The following PEX7 variants were observed in gnomAD, a reference collection of about 807,000 sequenced individuals.
PEX7 encodes the protein peroxisomal biogenesis factor 7.
Under a neutral mutation model 47.5 loss-of-function variants are expected in PEX7, and 34 were observed. The ratio of observed to expected loss-of-function variants is 0.72; its 90% CI spans 0.54 to 0.95. PEX7 has a LOEUF of 0.95. Ranked by LOEUF, PEX7 falls within the 40% of genes least tolerant of loss-of-function variation. The pLI is 0.00. For synonymous variants in PEX7, 141 were observed against 148.8 expected (o/e 0.95, Z 0.38); for missense variants, 394 against 400.3 (o/e 0.98, Z 0.13).
intron 1 of PEX7, 141 bp from the exon 2 acceptor site, chr6:136,825,073 C>G: frequency 1.4e-6 from 1 of 713,204 alleles, no homozygotes; most frequent in Non-Finnish European, 2.5e-6. Flanking sequence ...GATCACCTGA[C>G]CATTTGGTAT....
At chr6:136,862,589 T>C (rs1774987208) in intron 5 of PEX7, among the ~76,000 whole-genome samples, 1 of 152,182 alleles carries the variant, frequency 6.6e-6, no homozygotes. Flanking sequence ...TTGCTCAGGC[T>C]GATCTCGAAC....
chr6:136,905,074 A>G (rs1205240613), intron 9 of PEX7, among the ~76,000 whole-genome samples: 1 of 152,056 alleles, frequency 6.6e-6, no homozygotes, highest in Non-Finnish European at 1.5e-5. Context: ...TCTCCACTGT[A>G]TCTTTCCTCA....
intron 9 of PEX7, among the ~76,000 whole-genome samples, chr6:136,908,902 C>T (rs774750859): frequency 9.9e-5 from 15 of 152,228 alleles, no homozygotes; most frequent in Non-Finnish European, 1.5e-4. Flanking sequence ...TGCTGTCTAG[C>T]GGGTTCCTCC....
intron 3 of PEX7, among the ~76,000 whole-genome samples, chr6:136,837,863 C>G (rs1443089667): frequency 6.6e-6 from 1 of 151,684 alleles, no homozygotes; most frequent in African/African-American, 2.4e-5. Flanking sequence ...TATTTTCAGT[C>G]CTTACGTGGA....
intron 9 of PEX7, among the ~76,000 whole-genome samples, chr6:136,911,441 T>C (rs1775930949): frequency 2.0e-5 from 3 of 152,196 alleles, no homozygotes; most frequent in African/African-American, 7.2e-5. Flanking sequence ...AGTCTCACTC[T>C]GTTGCCTAGG....
intron 5 of PEX7, among the ~76,000 whole-genome samples, chr6:136,855,055 C>T (rs1774834082): frequency 6.6e-6 from 1 of 151,588 alleles, no homozygotes; most frequent in South Asian, 2.1e-4. Context: ...GCCACCGTAC[C>T]CCAGCCTGGG....
intron 1 of PEX7, among the ~76,000 whole-genome samples, chr6:136,824,280 A>G (rs1423148641): frequency 1.3e-5 from 2 of 152,122 alleles, no homozygotes; most frequent in East Asian, 1.9e-4. Flanking sequence ...AGCTCACCGT[A>G]GCCTCCACCT....
At chr6:136,868,140 G>A (rs890852416) in intron 6 of PEX7, among the ~76,000 whole-genome samples, 1 of 152,212 alleles carries the variant, frequency 6.6e-6, no homozygotes, top group Admixed American at 6.5e-5. Flanking sequence ...TAGCCTAGGA[G>A]CAATAGGCTG....
chr6:136,910,692 A>C (rs1218237729), intron 9 of PEX7, among the ~76,000 whole-genome samples: 3 of 152,252 alleles, frequency 2.0e-5, no homozygotes, highest in Non-Finnish European at 4.4e-5. Flanking sequence ...AAATTACATT[A>C]GTCAAAACGA....
At chr6:136,850,323 C>T (rs1027665455) in intron 5 of PEX7, among the ~76,000 whole-genome samples, 1 of 152,044 alleles carries the variant, frequency 6.6e-6, no homozygotes, top group Non-Finnish European at 1.5e-5. Context: ...ATTTGCCAGT[C>T]TGTGTCTTTT....
intron 3 of PEX7, among the ~76,000 whole-genome samples, chr6:136,837,812 C>CAA (rs374578981): frequency 6.8e-6 from 1 of 146,716 alleles, no homozygotes; most frequent in African/African-American, 2.5e-5. Flanking sequence ...AATTTAAACG[C>CAA]CACACACACA....
intron 9 of PEX7, among the ~76,000 whole-genome samples, chr6:136,898,870 A>G (rs1464510762): frequency 6.6e-6 from 1 of 152,052 alleles, no homozygotes; most frequent in Non-Finnish European, 1.5e-5. Context: ...AAACACTACA[A>G]TATGTTGAGT....
intron 8 of PEX7, among the ~76,000 whole-genome samples, chr6:136,884,545 TA>T (rs1297653282): frequency 6.6e-6 from 1 of 152,298 alleles, no homozygotes; most frequent in Non-Finnish European, 1.5e-5. Context: ...AATTTAATTT[TA>T]AAATTGTTTA....
At chr6:136,839,809 C>A (rs762819200) in intron 3 of PEX7, among the ~76,000 whole-genome samples, 4 of 152,194 alleles carry the variant, frequency 2.6e-5, no homozygotes, top group Non-Finnish European at 4.4e-5. Context: ...CTGTACCAGG[C>A]TAGCTGGGAA....
intron 5 of PEX7, among the ~76,000 whole-genome samples, chr6:136,866,120 A>T (rs6420759): frequency 0.59 from 90,102 of 151,492 alleles, 26,788 homozygotes; most frequent in South Asian, 0.61. Context: ...AATAAATAAA[A>T]TTTTTTAGCT....
In PEX7 at chr6:136,843,857, C is replaced by T. The variant is rs190049051; in HGVS notation, c.340-1758C>T. The stretch of plus-strand genomic sequence containing the variant: ...TGCGTGAATATGGGCAGAGGCAGGG[C>T]CAGGACTAGGGTAGAATGTGTGAGG... On this transcript the variant is annotated intron_variant, in intron 3 of 9. Coordinates refer to ENST00000318471, the MANE Select transcript of PEX7 (RefSeq NM_000288.4). Among the ~76,000 whole-genome samples, 331 of 152,032 alleles carry T rather than the reference C, an allele frequency of 2.2e-3. 1 individual carries two copies. Among genetic ancestry groups the T allele is most frequent in the Admixed American group, 3.3e-3 (50 of 15,258 alleles).
chr6:136,822,757 G>A lies in PEX7; in HGVS notation c.92G>A (p.Arg31His). Residue 31 changes from arginine to histidine, a missense_variant, in exon 1 of 10, where the codon CGC (arginine) becomes CAC (histidine). By Grantham distance (29) the Arg-to-His change is conservative. Coordinates refer to ENST00000318471, the MANE Select transcript of PEX7 (RefSeq NM_000288.4). ...GAGTTCTCCCCGTACCTGCCGGGCCGCCTGGCCTGCGCCACCGCGCAGCAC... is the reference window on the plus strand; with the variant it reads ...GAGTTCTCCCCGTACCTGCCGGGCCACCTGGCCTGCGCCACCGCGCAGCAC... The part of the protein sequence containing the change: ...AAEFSPYLPG[R>H]LACATAQHYG... 1 of 1,479,930 alleles carries A rather than the reference G, an allele frequency of 6.8e-7. No homozygotes were observed. Among genetic ancestry groups the A allele is most frequent in the African/African-American group, 1.5e-5 (1 of 68,218 alleles). 91.7% of individuals were successfully genotyped at this position (1,479,930 alleles called of 1,614,324 possible).
intron 8 of PEX7, among the ~76,000 whole-genome samples, chr6:136,884,519 G>T (rs762724091): frequency 1.6e-4 from 25 of 151,974 alleles, no homozygotes; most frequent in Non-Finnish European, 2.9e-4. Context: ...TTATATTTAG[G>T]TTTGTAAATT....
At chr6:136,904,555 T>C (rs1775809083) in intron 9 of PEX7, among the ~76,000 whole-genome samples, 1 of 152,042 alleles carries the variant, frequency 6.6e-6, no homozygotes, top group African/African-American at 2.4e-5. Flanking sequence ...GGCAGGTCTT[T>C]CCTGCACTGT....
Sources: allele counts gnomAD v4.1 joint callset (sites outside exome capture counted in the v4.1 genomes callset), GRCh38; gene constraint gnomAD v4.1.1; transcripts MANE v1.5; gene names NCBI Gene and HGNC (gene_info 2026-07-23, HGNC 2026-07-21).